The following ARAP2 variants were observed in gnomAD, a reference collection of about 807,000 sequenced individuals.
The protein encoded by ARAP2 is arf-GAP with Rho-GAP domain, ANK repeat and PH domain-containing protein 2.
In ARAP2, 148 loss-of-function variants were observed where a neutral mutation model predicts 194.5. That is an observed-to-expected ratio of 0.76 (90% CI 0.67 to 0.87). The LOEUF (loss-of-function observed/expected upper bound fraction) is 0.87, where lower values mean the gene tolerates loss of function less well. ARAP2 is among the 40% of genes least tolerant of loss of function. The pLI, the probability that ARAP2 is intolerant of heterozygous loss-of-function variation, is 0.00. For missense variants in ARAP2, 2,128 were observed against 1,989.7 expected (o/e 1.07, Z -1.32); for synonymous variants, 695 against 683.5 (o/e 1.02, Z -0.26).
At chr4:36,139,616 G>A (rs1727739771) in intron 19 of ARAP2, among the ~76,000 whole-genome samples, 1 of 151,484 alleles carries the variant, frequency 6.6e-6, no homozygotes, top group Non-Finnish European at 1.5e-5. Flanking sequence ...AAAGTTTAGA[G>A]GATGGATTTT....
At chr4:36,016,436 C>A (rs1274641809) in intron 6 of ARAP2, among the ~76,000 whole-genome samples, 4 of 152,062 alleles carry the variant, frequency 2.6e-5, no homozygotes, top group African/African-American at 9.7e-5. Flanking sequence ...TGTTATTATT[C>A]ATAAAATCTA....
Position 36,183,297 on chromosome 4 carries a change from T to TAA in ARAP2, c.1678+4152_1678+4153dup, listed in dbSNP as rs59564775. On this transcript the variant is annotated intron_variant, in intron 8 of 32. Coordinates refer to ENST00000303965, the MANE Select transcript of ARAP2 (RefSeq NM_015230.4). ...TGTTCTTTTTAAAATTTTTTTTAATTAAAAAAAAAGACTTTTCCATATCAG... is the reference window on the plus strand; with the variant it reads ...TGTTCTTTTTAAAATTTTTTTTAATTAAAAAAAAAAAGACTTTTCCATATCAG... Among the ~76,000 whole-genome samples the TAA allele has an allele frequency of 3.5e-3, 532 of 150,518 alleles. 2 individuals carry two copies. The highest frequency in any genetic ancestry group is 0.014 in the Middle Eastern group (4 of 294).
chr4:36,077,788 C>T (rs1301085744), intron 31 of ARAP2, among the ~76,000 whole-genome samples: 1 of 152,148 alleles, frequency 6.6e-6, no homozygotes, highest in Non-Finnish European at 1.5e-5. Context: ...TAATTTGTCA[C>T]AAGCCTTCCT....
chr4:36,038,702 A>G (rs1306802774), intron 5 of ARAP2, among the ~76,000 whole-genome samples: 2 of 152,222 alleles, frequency 1.3e-5, no homozygotes, highest in African/African-American at 2.4e-5. Flanking sequence ...GCAACACCAT[A>G]AGGAAAATGT....
chr4:36,062,960 T>C (rs898229578), downstream of ARAP2, among the ~76,000 whole-genome samples: 2 of 152,222 alleles, frequency 1.3e-5, no homozygotes, highest in Non-Finnish European at 2.9e-5. Flanking sequence ...AATGTGATGA[T>C]TGTACACATG....
At chr4:36,106,202 G>GACATGTGCATTCAT (rs1221988105) in intron 27 of ARAP2, among the ~76,000 whole-genome samples, 1 of 151,888 alleles carries the variant, frequency 6.6e-6, no homozygotes, top group Non-Finnish European at 1.5e-5. Context: ...ACTACTTTAT[G>GACATGTGCATTCAT]ACATGTGCAT....
rs1560687561 is a variant in ARAP2, at chr4:36,214,478, TA to T, written c.907del (p.Tyr303IlefsTer41). The T allele has an allele frequency of 6.3e-7, 1 of 1,594,248 alleles. No individual in the cohort carries two copies. The highest frequency in any genetic ancestry group is 1.7e-5 in the Admixed American group (1 of 58,986). On this transcript the variant is annotated frameshift_variant and splice_region_variant, in exon 3 of 33. Coordinates refer to ENST00000303965, the MANE Select transcript of ARAP2 (RefSeq NM_015230.4). LOFTEE classifies it high-confidence loss of function. ...AGCAACATTTCTTCTTTCACGGAAATAGCTTAAAAAGCAAAGGAGAAAATAC... is the reference window on the plus strand; with the variant it reads ...AGCAACATTTCTTCTTTCACGGAAATGCTTAAAAAGCAAAGGAGAAAATAC... ...PGSTKGVSGS[Y>X]FRERRNVATS...
intron 9 of ARAP2, among the ~76,000 whole-genome samples, chr4:36,010,530 C>G (rs1211464924): frequency 6.6e-6 from 1 of 152,048 alleles, no homozygotes; most frequent in African/African-American, 2.4e-5. Flanking sequence ...GACACTGATT[C>G]ACATACAAGC....
chr4:36,025,933 C>T (rs1354493841), intron 5 of ARAP2, among the ~76,000 whole-genome samples: 1 of 152,026 alleles, frequency 6.6e-6, no homozygotes, highest in Admixed American at 6.6e-5. Flanking sequence ...AAAATACAGT[C>T]TTATTGTATG....
intron 5 of ARAP2, among the ~76,000 whole-genome samples, chr4:36,043,919 A>G (rs542473478): frequency 6.0e-5 from 9 of 150,682 alleles, no homozygotes; most frequent in African/African-American, 1.5e-4. Flanking sequence ...AAAGAAAAAG[A>G]GAAAGAAAGA....
Position 36,159,481 on chromosome 4 carries a change from G to A in ARAP2, c.2467C>T (p.Pro823Ser). 2 of 1,583,986 alleles carry A rather than the reference G, an allele frequency of 1.3e-6. No homozygotes were observed. The highest frequency in any genetic ancestry group is 1.7e-5 in the Admixed American group (1 of 58,066). The part of the protein sequence containing the change: ...NKALCAAVVK[P>S]DVLETMALLF... Reference sequence around the variant, plus strand: ...AAAGCCATTGTTTCTAGAACATCCGGTTTCACTACAGCAGCACATAGAGCC... The same window carrying A: ...AAAGCCATTGTTTCTAGAACATCCGATTTCACTACAGCAGCACATAGAGCC... Residue 823 changes from proline to serine, a missense_variant, in exon 14 of 33, where the codon CCG becomes TCG. By Grantham distance (74) the Pro-to-Ser change is moderately conservative (BLOSUM62 -1). Transcript: ENST00000303965.
chr4:36,146,169 A>G (rs1475978158), intron 19 of ARAP2, among the ~76,000 whole-genome samples: 4 of 152,000 alleles, frequency 2.6e-5, no homozygotes, highest in Non-Finnish European at 4.4e-5. Flanking sequence ...CTAATCCATC[A>G]GCAGATCCTG....
intron 1 of ARAP2, among the ~76,000 whole-genome samples, chr4:36,243,141 A>T (rs1753862810): frequency 6.6e-6 from 1 of 152,108 alleles, no homozygotes; most frequent in Admixed American, 6.5e-5. Context: ...CCTTAAAAAA[A>T]GTTAGCTTGC....
At position 36,162,536 on chromosome 4, in the gene ARAP2, T is replaced by C. The variant is rs115826241; in HGVS notation, c.2174-986A>G. Reference sequence around the variant, plus strand: ...GTGTACAGTCCACTATCCTTGATCTTAAGGGCCCTTTGTCTAATGAACAAC... The same window carrying C: ...GTGTACAGTCCACTATCCTTGATCTCAAGGGCCCTTTGTCTAATGAACAAC... On this transcript the variant is annotated intron_variant, in intron 11 of 32. Coordinates refer to ENST00000303965, the MANE Select transcript of ARAP2 (RefSeq NM_015230.4). 3.7e-3 allele frequency among the ~76,000 whole-genome samples: 560 copies of C among 151,760 alleles called. 6 individuals carry two copies. The highest frequency in any genetic ancestry group is 0.013 in the African/African-American group (537 of 41,394).
chr4:36,220,660 T>C (rs916323058), intron 2 of ARAP2, among the ~76,000 whole-genome samples: 2 of 152,064 alleles, frequency 1.3e-5, no homozygotes, highest in African/African-American at 4.8e-5. Context: ...GCTCCATGCA[T>C]GTAACTGTCC....
At chr4:36,211,202 C>T (rs545219880) in intron 5 of ARAP2, among the ~76,000 whole-genome samples, 1 of 152,214 alleles carries the variant, frequency 6.6e-6, no homozygotes, top group Non-Finnish European at 1.5e-5. Flanking sequence ...CCCCATGTTT[C>T]ACCACAATGC....
chr4:36,208,292 G>A (rs1308004020), intron 6 of ARAP2, among the ~76,000 whole-genome samples: 1 of 152,142 alleles, frequency 6.6e-6, no homozygotes. Flanking sequence ...GGCCCCTAAG[G>A]AGGACCTCTG....
chr4:36,113,849 G>A (rs930277386), intron 26 of ARAP2, among the ~76,000 whole-genome samples: 3 of 151,828 alleles, frequency 2.0e-5, no homozygotes, highest in African/African-American at 7.3e-5. Flanking sequence ...CCTTGTTCTT[G>A]TTAAATAACA....
chr4:36,215,975 G>A (rs1245746919), intron 2 of ARAP2, among the ~76,000 whole-genome samples: 1 of 151,894 alleles, frequency 6.6e-6, no homozygotes, highest in Non-Finnish European at 1.5e-5. Flanking sequence ...CCTGGGCACA[G>A]TGGTTCATGC....
Sources: gnomAD v4.1 joint callset for allele counts (sites outside exome capture counted in the v4.1 genomes callset) on GRCh38, gnomAD v4.1.1 for gene constraint, MANE v1.5 for transcripts, NCBI Gene and HGNC (gene_info 2026-07-23, HGNC 2026-07-21) for gene names.